The following GALNT18 variants were observed in gnomAD, a reference collection of about 807,000 sequenced individuals.
The protein encoded by GALNT18 is GalNAc-transferase 18.
In GALNT18, 44 loss-of-function variants were observed where a neutral mutation model predicts 69.5. The observed-to-expected ratio is 0.63, with a 90% CI of 0.50 to 0.81. The LOEUF (loss-of-function observed/expected upper bound fraction) is 0.81, where lower values mean the gene tolerates loss of function less well. GALNT18 is among the 40% of genes least tolerant of loss of function. The probability of loss-of-function intolerance (pLI) is 0.00; values close to 1 mark genes in which losing one functional copy is unlikely to be tolerated. For missense variants in GALNT18, 715 were observed against 810.0 expected, an observed-to-expected ratio of 0.88 and a Z score of 1.42; for synonymous variants, 364 against 318.2, an observed-to-expected ratio of 1.14 and a Z score of -1.53.
chr11:11,287,582 C>T (rs1247054505), intron 10 of GALNT18, among the ~76,000 whole-genome samples: 1 of 152,128 alleles, frequency 6.6e-6, no homozygotes, highest in Non-Finnish European at 1.5e-5. Context: ...TCCCAGAATC[C>T]CCCAAATCTC....
At chr11:11,554,609 T>C (rs1490894992) in intron 1 of GALNT18, among the ~76,000 whole-genome samples, 1 of 152,008 alleles carries the variant, frequency 6.6e-6, no homozygotes, top group Non-Finnish European at 1.5e-5. Flanking sequence ...TGTATTTAGG[T>C]CATTCCTGAT....
chr11:11,349,754 C>T (rs1182725749), intron 6 of GALNT18, among the ~76,000 whole-genome samples: 2 of 152,166 alleles, frequency 1.3e-5, no homozygotes, highest in African/African-American at 4.8e-5. Flanking sequence ...TCCCAGGTTT[C>T]CTGGGGTACA....
chr11:11,271,350 G>A, intron 10 of GALNT18, 60 bp from the exon 11 acceptor site: 1 of 1,567,650 alleles, frequency 6.4e-7, no homozygotes, highest in East Asian at 2.3e-5. Context: ...AGAAATTCGG[G>A]AGCCTCAGGC....
chr11:11,298,271 A>G (rs908083760), intron 9 of GALNT18, among the ~76,000 whole-genome samples: 1 of 152,230 alleles, frequency 6.6e-6, no homozygotes, highest in Non-Finnish European at 1.5e-5. Context: ...AGAAGAAAAC[A>G]CACATAGTTT....
chr11:11,461,964 C>T lies in GALNT18; in HGVS notation c.236-13028G>A, dbSNP rs1255119332. Among the ~76,000 whole-genome samples the T allele has an allele frequency of 6.6e-6, 1 of 152,242 alleles. No homozygotes were observed. Among genetic ancestry groups the T allele is most frequent in the Non-Finnish European group, 1.5e-5 (1 of 68,038 alleles). On this transcript the variant is annotated intron_variant, in intron 1 of 10. Coordinates refer to ENST00000227756, the MANE Select transcript of GALNT18 (RefSeq NM_198516.3). The surrounding 1 kb of genome is among the most constrained non-coding windows in gnomAD (Gnocchi z 4.1). ...TGTGCTCCCCTGTCTCAAACAGCCT[C>T]TCCCAGGAAGCCTGCCTGTTTCCAG...
intron 6 of GALNT18, among the ~76,000 whole-genome samples, chr11:11,359,776 C>T (rs939457573): frequency 1.3e-5 from 2 of 152,134 alleles, no homozygotes; most frequent in African/African-American, 4.8e-5. Context: ...TGATTTTAAA[C>T]CCCGAAGGTA....
rs1462171865 is a variant in GALNT18, at chr11:11,435,871, C to A, written c.429-3084G>T. Among the ~76,000 whole-genome samples, 1 of 152,262 alleles carries A rather than the reference C, an allele frequency of 6.6e-6. No homozygotes were observed. Among genetic ancestry groups the A allele is most frequent in the East Asian group, 1.9e-4 (1 of 5,198 alleles). ...GGCCCCAATTCCTCACATTCGCAGT[C>A]TCCAGAAGTGCTCAGTTTCTTTACA... On this transcript the variant is annotated intron_variant, in intron 2 of 10. Transcript: ENST00000227756. The surrounding 1 kb of genome is among the most constrained non-coding windows in gnomAD (Gnocchi z 4.4).
Position 11,572,966 on chromosome 11 carries a change from C to CA in GALNT18, c.235+48392dup, listed in dbSNP as rs1858827939. 2.0e-5 allele frequency among the ~76,000 whole-genome samples: 3 copies of CA among 152,128 alleles called. No homozygotes were observed. In the South Asian group the frequency reaches 6.2e-4, roughly 32 times the overall value. Reference sequence around the variant, plus strand: ...CCATTTACTGAGCACCTACTCTGTGCAAAACTCTTTCAAGTGGTCACTTCT... The same window carrying CA: ...CCATTTACTGAGCACCTACTCTGTGCAAAAACTCTTTCAAGTGGTCACTTCT... On this transcript the variant is annotated intron_variant, in intron 1 of 10. Transcript: ENST00000227756.
At position 11,445,825 on chromosome 11, in the gene GALNT18, T is replaced by C. The variant is rs184137357; in HGVS notation, c.428+2919A>G. ...GGGGAGGTGTGGAAGCTCCACAGAC[T>C]GTAAAGTTCTGTGCAGAGGGAAGGT... On this transcript the variant is annotated intron_variant, in intron 2 of 10. Coordinates refer to ENST00000227756, the MANE Select transcript of GALNT18 (RefSeq NM_198516.3). 1.5e-4 allele frequency among the ~76,000 whole-genome samples: 23 copies of C among 152,286 alleles called. No homozygotes were observed. The East Asian group carries it at 4.0e-3, about 27-fold the overall frequency.
In GALNT18 at chr11:11,414,958, G is replaced by A. The variant is rs141431831; in HGVS notation, c.595+17663C>T. Reference sequence around the variant, plus strand: ...ACTGTAGTTCTCAACTGGGGCTTAGGGTCCTCTTTGAGATTGACTCGTTGT... The same window carrying A: ...ACTGTAGTTCTCAACTGGGGCTTAGAGTCCTCTTTGAGATTGACTCGTTGT... On this transcript the variant is annotated intron_variant, in intron 3 of 10. Coordinates refer to ENST00000227756, the MANE Select transcript of GALNT18 (RefSeq NM_198516.3). Among the ~76,000 whole-genome samples the A allele has an allele frequency of 9.2e-5, 14 of 152,270 alleles. No homozygotes were observed. In the East Asian group the frequency reaches 2.7e-3, roughly 29 times the overall value.
chr11:11,373,119 G>A (rs61557151), intron 5 of GALNT18, among the ~76,000 whole-genome samples: 4 of 152,278 alleles, frequency 2.6e-5, no homozygotes, highest in Non-Finnish European at 4.4e-5. Context: ...TTTATCTTCA[G>A]GTAAATAGGT....
chr11:11,512,506 G>A lies in GALNT18; in HGVS notation c.236-63570C>T, dbSNP rs75605120. On this transcript the variant is annotated intron_variant, in intron 1 of 10. Coordinates refer to ENST00000227756, the MANE Select transcript of GALNT18 (RefSeq NM_198516.3). ...AAAGAATTAGGAACAAGATGTGAAAGGGGGTCTGACCCTTATTCTCACATA... is the reference window on the plus strand; with the variant it reads ...AAAGAATTAGGAACAAGATGTGAAAAGGGGTCTGACCCTTATTCTCACATA... Among the ~76,000 whole-genome samples, 852 of 152,326 alleles carry A rather than the reference G, an allele frequency of 5.6e-3. 9 individuals carry two copies. The highest frequency in any genetic ancestry group is 0.02 in the African/African-American group (824 of 41,568).
intron 10 of GALNT18, among the ~76,000 whole-genome samples, chr11:11,279,219 A>C (rs1311226969): frequency 6.6e-6 from 1 of 152,156 alleles, no homozygotes; most frequent in Non-Finnish European, 1.5e-5. Context: ...CCATAAGCAA[A>C]AGCTTCCTGT....
rs542475190 is a variant in GALNT18, at chr11:11,540,847, T to C, written c.235+80512A>G. On this transcript the variant is annotated intron_variant, in intron 1 of 10. Transcript: ENST00000227756. The surrounding 1 kb of genome is among the most constrained non-coding windows in gnomAD (Gnocchi z 4.6). ...CAGGTAATTGGCAGGAAGGTAGATA[T>C]GGTGGTGGTGCTGTCTATTCAGACA... Among the ~76,000 whole-genome samples, 239 of 152,098 alleles carry C rather than the reference T, an allele frequency of 1.6e-3. No individual in the cohort carries two copies. The highest frequency in any genetic ancestry group is 2.7e-3 in the Non-Finnish European group (182 of 68,014).
intron 6 of GALNT18, among the ~76,000 whole-genome samples, chr11:11,370,455 C>G (rs1162913050): frequency 6.6e-6 from 1 of 152,166 alleles, no homozygotes; most frequent in Non-Finnish European, 1.5e-5. Context: ...AACTGAAATT[C>G]AAATGAACTC....
At chr11:11,539,450 G>A (rs1234918731) in intron 1 of GALNT18, among the ~76,000 whole-genome samples, 1 of 152,220 alleles carries the variant, frequency 6.6e-6, no homozygotes, top group African/African-American at 2.4e-5. Context: ...CTTCCAGAGA[G>A]CTGTCCTGAA....
intron 1 of GALNT18, among the ~76,000 whole-genome samples, chr11:11,490,715 G>A (rs2133884655): frequency 6.6e-6 from 1 of 152,242 alleles, no homozygotes; most frequent in African/African-American, 2.4e-5. Flanking sequence ...AGACAGCCCA[G>A]AAGGTCCAGA....
At chr11:11,499,381 T>C (rs1856929020) in intron 1 of GALNT18, among the ~76,000 whole-genome samples, 1 of 152,176 alleles carries the variant, frequency 6.6e-6, no homozygotes, top group Non-Finnish European at 1.5e-5. Flanking sequence ...TCTTTCCTCA[T>C]CTGTTCTGGC....
At chr11:11,408,401 G>A (rs1195119479) in intron 3 of GALNT18, among the ~76,000 whole-genome samples, 4 of 140,964 alleles carry the variant, frequency 2.8e-5, no homozygotes, top group Non-Finnish European at 4.6e-5. Flanking sequence ...GGAATATACC[G>A]CCATGTGGCC....
Sources: allele counts gnomAD v4.1 joint callset (sites outside exome capture counted in the v4.1 genomes callset), GRCh38; gene constraint gnomAD v4.1.1; non-coding constraint Gnocchi (gnomAD v3.1); transcripts MANE v1.5; gene names NCBI Gene and HGNC (gene_info 2026-07-23, HGNC 2026-07-21).